The following ZNF709 variants were observed in gnomAD, a reference collection of about 807,000 sequenced individuals.
The protein encoded by ZNF709 is zinc finger protein 709.
ZNF709 carries 15 observed loss-of-function variants against 10.6 expected under a neutral mutation model. The ratio of observed to expected loss-of-function variants is 1.41; its 90% CI spans 0.95 to 2.18. The LOEUF (loss-of-function observed/expected upper bound fraction) is 2.18, where lower values mean the gene tolerates loss of function less well. Ranked by LOEUF, ZNF709 falls within the 30% of genes most tolerant of loss-of-function variation. The probability of loss-of-function intolerance (pLI) is 0.00; values close to 1 mark genes in which losing one functional copy is unlikely to be tolerated. For synonymous variants in ZNF709, 194 were observed against 238.8 expected (o/e 0.81, Z 1.73); for missense variants, 589 against 774.0 (o/e 0.76, Z 2.84).
rs1970535363 is a variant in ZNF709, at chr19:12,463,710, T to C, written c.*286A>G. The C allele has an allele frequency of 4.3e-6, 1 of 231,586 alleles. No individual in the cohort carries two copies. The highest frequency in any genetic ancestry group is 1.4e-3 in the Middle Eastern group (1 of 720). 14.3% of individuals were successfully genotyped at this position (231,586 alleles called of 1,614,324 possible). On this transcript the variant is annotated 3_prime_UTR_variant, in exon 4 of 4. Transcript: ENST00000397732. ...GGGAGGCCAAGGCAGGTGGATCGTC[T>C]GAGGTCAGGAGTTCGAGACCAGCCT...
intron 1 of ZNF709, among the ~76,000 whole-genome samples, chr19:12,472,078 A>G (rs944640283): frequency 6.6e-6 from 1 of 152,210 alleles, no homozygotes; most frequent in Non-Finnish European, 1.5e-5. Context: ...AGTCCTAGCT[A>G]CTCAGGAAGC....
In ZNF709 at chr19:12,484,671, G is replaced by A; in HGVS notation, c.-14C>T. On this transcript the variant is annotated 5_prime_UTR_variant, in exon 1 of 4. Coordinates refer to ENST00000397732, the MANE Select transcript of ZNF709 (RefSeq NM_152601.4). Reference sequence around the variant, plus strand: ...CACACTTACCATTTCCCAGACTCTGGGATGTCCTGGTGTTCTGTTTACCTC... The same window carrying A: ...CACACTTACCATTTCCCAGACTCTGAGATGTCCTGGTGTTCTGTTTACCTC... 6.2e-7 allele frequency: 1 copy of A among 1,614,042 alleles called. No homozygotes were observed. Among genetic ancestry groups the A allele is most frequent in the Non-Finnish European group, 8.5e-7 (1 of 1,179,948 alleles).
intron 1 of ZNF709, among the ~76,000 whole-genome samples, chr19:12,477,448 T>C (rs1377835247): frequency 6.6e-6 from 1 of 152,192 alleles, no homozygotes; most frequent in Non-Finnish European, 1.5e-5. Flanking sequence ...TTCTGGCGTA[T>C]TTTAGGACAC....
intron 1 of ZNF709, among the ~76,000 whole-genome samples, chr19:12,476,162 C>T (rs1970676676): frequency 6.6e-6 from 1 of 152,126 alleles, no homozygotes; most frequent in Admixed American, 6.6e-5. Context: ...GAGGCCATGG[C>T]AGGAGGATAG....
At chr19:12,474,511 T>C (rs1268008397) in intron 1 of ZNF709, among the ~76,000 whole-genome samples, 1 of 152,250 alleles carries the variant, frequency 6.6e-6, no homozygotes, top group Admixed American at 6.5e-5. Context: ...CTCTTCAAGA[T>C]GTTGATTTCA....
chr19:12,480,572 C>T (rs545591667), intron 1 of ZNF709, among the ~76,000 whole-genome samples: 1 of 151,894 alleles, frequency 6.6e-6, no homozygotes, highest in African/African-American at 2.4e-5. Context: ...AGTCCCAGCT[C>T]CTCAGGAGGC....
intron 1 of ZNF709, among the ~76,000 whole-genome samples, chr19:12,468,355 A>C (rs1970602806): frequency 6.6e-6 from 1 of 152,086 alleles, no homozygotes; most frequent in Non-Finnish European, 1.5e-5. Context: ...ACTAAGAAAA[A>C]TTCTTCTGCC....
intron 1 of ZNF709, among the ~76,000 whole-genome samples, chr19:12,474,316 A>G (rs1970659603): frequency 2.0e-5 from 3 of 152,174 alleles, no homozygotes. Flanking sequence ...GGCTTATTTC[A>G]CTGAGCATAA....
At chr19:12,482,685 C>G (rs1454442710) in intron 1 of ZNF709, among the ~76,000 whole-genome samples, 1 of 152,184 alleles carries the variant, frequency 6.6e-6, no homozygotes, top group East Asian at 1.9e-4. Context: ...GGAAGGGCAT[C>G]ACTGGATTCA....
intron 1 of ZNF709, among the ~76,000 whole-genome samples, chr19:12,482,786 G>C (rs1344720980): frequency 6.6e-6 from 1 of 152,064 alleles, no homozygotes; most frequent in Non-Finnish European, 1.5e-5. Flanking sequence ...GTAGGTATGA[G>C]CAGGTAGGAC....
At chr19:12,475,827 A>T (rs1337615570) in intron 1 of ZNF709, among the ~76,000 whole-genome samples, 2 of 152,084 alleles carry the variant, frequency 1.3e-5, no homozygotes, top group African/African-American at 2.4e-5. Context: ...TCCACAACAA[A>T]CTCCTCAAAC....
intron 3 of ZNF709, 114 bp downstream of exon 3, chr19:12,466,348 A>T: frequency 1.7e-6 from 2 of 1,152,282 alleles, no homozygotes; most frequent in Non-Finnish European, 2.4e-6. Context: ...AAATTTTCAA[A>T]AAATAAATAA....
At chr19:12,470,772 A>C (rs1205451488) in intron 1 of ZNF709, among the ~76,000 whole-genome samples, 1 of 152,048 alleles carries the variant, frequency 6.6e-6, no homozygotes, top group African/African-American at 2.4e-5. Context: ...CTGAAGATAC[A>C]AAAAATTAGC....
chr19:12,468,581 A>G (rs546780802), intron 1 of ZNF709, among the ~76,000 whole-genome samples: 3 of 150,372 alleles, frequency 2.0e-5, no homozygotes, highest in Non-Finnish European at 4.5e-5. Flanking sequence ...TCCTCTGCCT[A>G]GGAAAACCAG....
At position 12,484,649 on chromosome 19, in the gene ZNF709, A is replaced by G. The variant is rs767761689; in HGVS notation, c.3+6T>C. Reference sequence around the variant, plus strand: ...CATCTCAAGACCCCCAGCCCCGCACACTTACCATTTCCCAGACTCTGGGAT... The same window carrying G: ...CATCTCAAGACCCCCAGCCCCGCACGCTTACCATTTCCCAGACTCTGGGAT... On this transcript the variant is annotated splice_donor_region_variant and intron_variant, in intron 1 of 3. Coordinates refer to ENST00000397732, the MANE Select transcript of ZNF709 (RefSeq NM_152601.4). 6.2e-7 allele frequency: 1 copy of G among 1,613,546 alleles called. No individual in the cohort carries two copies. Among genetic ancestry groups the G allele is most frequent in the Non-Finnish European group, 8.5e-7 (1 of 1,179,814 alleles).
At chr19:12,474,579 T>G (rs957934903) in intron 1 of ZNF709, among the ~76,000 whole-genome samples, 1 of 152,246 alleles carries the variant, frequency 6.6e-6, no homozygotes, top group Non-Finnish European at 1.5e-5. Flanking sequence ...ATTCCTTTTC[T>G]AATTTTCTGA....
intron 1 of ZNF709, among the ~76,000 whole-genome samples, chr19:12,476,273 T>C (rs1354727008): frequency 6.6e-6 from 1 of 151,828 alleles, no homozygotes; most frequent in Admixed American, 6.6e-5. Context: ...ACGCTTGTAG[T>C]CCCACCTACT....
chr19:12,467,439 A>C (rs2144989862), intron 1 of ZNF709, among the ~76,000 whole-genome samples: 1 of 152,316 alleles, frequency 6.6e-6, no homozygotes, highest in African/African-American at 2.4e-5. Flanking sequence ...TCGTTCACTC[A>C]GTGCTCAATG....
intron 1 of ZNF709, among the ~76,000 whole-genome samples, chr19:12,473,656 G>C (rs1054615196): frequency 1.3e-5 from 2 of 152,144 alleles, no homozygotes; most frequent in Admixed American, 6.5e-5. Context: ...TAAGGACATA[G>C]ACATATTCAT....
Sources: gnomAD v4.1 joint callset for allele counts (sites outside exome capture counted in the v4.1 genomes callset) on GRCh38, gnomAD v4.1.1 for gene constraint, MANE v1.5 for transcripts, NCBI Gene and HGNC (gene_info 2026-07-23, HGNC 2026-07-21) for gene names.